MYH15: variants seen among roughly 807,000 people sequenced by gnomAD.
MYH15 encodes the protein myosin-15.
Under a neutral mutation model 240.5 loss-of-function variants are expected in MYH15, and 227 were observed. The observed-to-expected ratio is 0.94, with a 90% CI of 0.85 to 1.05. The LOEUF is 1.05. MYH15 is among the 50% of genes least tolerant of loss of function. The pLI is 0.00. For synonymous variants in MYH15, 785 were observed against 796.7 expected, an observed-to-expected ratio of 0.99 and a Z score of 0.25; for missense variants, 2,217 against 2,247.5, an observed-to-expected ratio of 0.99 and a Z score of 0.27.
At chr3:108,506,170 C>G (rs2083474297) in intron 1 of MYH15, among the ~76,000 whole-genome samples, 1 of 152,078 alleles carries the variant, frequency 6.6e-6, no homozygotes, top group South Asian at 2.1e-4. Flanking sequence ...GCTTGCACCC[C>G]TTCCAGATTC....
Position 108,459,357 on chromosome 3 carries a change from C to T in MYH15, c.2020+5G>A. 2.6e-6 allele frequency: 4 copies of T among 1,554,812 alleles called. No homozygotes were observed. Among genetic ancestry groups the T allele is most frequent in the Non-Finnish European group, 3.5e-6 (4 of 1,138,796 alleles). ...GTGTGAATTACAAAGAAATCTAGTT[C>T]TTACCTGGTATTTTGTTCACATTGG... On this transcript the variant is annotated splice_donor_5th_base_variant and intron_variant, in intron 18 of 40. Transcript: ENST00000693548.
chr3:108,477,694 A>G (rs1271417486), intron 11 of MYH15, among the ~76,000 whole-genome samples: 2 of 152,156 alleles, frequency 1.3e-5, no homozygotes, highest in Non-Finnish European at 2.9e-5. Flanking sequence ...AGCTATCTGT[A>G]AAACACCCTT....
intron 2 of MYH15, among the ~76,000 whole-genome samples, chr3:108,502,902 C>T (rs971552698): frequency 6.6e-6 from 1 of 152,140 alleles, no homozygotes; most frequent in Admixed American, 6.6e-5. Context: ...CCATGCAGAA[C>T]GTAAACATAT....
chr3:108,445,788 T>C (rs901842383), intron 21 of MYH15, among the ~76,000 whole-genome samples: 1 of 152,016 alleles, frequency 6.6e-6, no homozygotes, highest in Non-Finnish European at 1.5e-5. Flanking sequence ...ATTAAAGGTA[T>C]AAAGGAAAGA....
chr3:108,389,178 A>G lies in MYH15; in HGVS notation c.5431-104T>C, dbSNP rs947214554. 2.7e-5 allele frequency: 26 copies of G among 949,422 alleles called. No homozygotes were observed. The Admixed American group carries it at 5.2e-4, about 19-fold the overall frequency. The allele number at this position is 949,422 out of a possible 1,614,324, so 58.8% of individuals were successfully genotyped here. ...AAAGACAGCAAAGTGTCAAGGGAAC[A>G]TGCACACACTGTTTTTGGTGCTTAA... On this transcript the variant is annotated intron_variant, in intron 37 of 40. Transcript: ENST00000693548.
intron 1 of MYH15, among the ~76,000 whole-genome samples, chr3:108,522,386 T>C (rs577459317): frequency 1.3e-5 from 2 of 152,194 alleles, no homozygotes; most frequent in South Asian, 4.1e-4. Flanking sequence ...TGTGAGGCAG[T>C]GTTACTTCTT....
chr3:108,517,320 A>G (rs2083581419), intron 1 of MYH15, among the ~76,000 whole-genome samples: 1 of 152,110 alleles, frequency 6.6e-6, no homozygotes, highest in Admixed American at 6.6e-5. Context: ...CTATTGATCC[A>G]GAGAAGAACT....
chr3:108,398,149 A>T (rs1431196517), intron 35 of MYH15, among the ~76,000 whole-genome samples: 1 of 152,190 alleles, frequency 6.6e-6, no homozygotes, highest in African/African-American at 2.4e-5. Flanking sequence ...TTAATCAAAT[A>T]TGACTGGTAC....
chr3:108,437,963 CAGTGAGCCCTTG>C (rs2082855086), intron 24 of MYH15, among the ~76,000 whole-genome samples: 4 of 152,118 alleles, frequency 2.6e-5, no homozygotes, highest in African/African-American at 9.7e-5. Flanking sequence ...AAGAAATGGC[CAGTGAGCCCTTG>C]ATTGATCGTT....
At chr3:108,466,268 T>C (rs1337534314) in intron 14 of MYH15, among the ~76,000 whole-genome samples, 3 of 152,228 alleles carry the variant, frequency 2.0e-5, no homozygotes, top group Non-Finnish European at 4.4e-5. Context: ...ATGGAGAGAA[T>C]GTGGTGTGTA....
chr3:108,425,470 T>G (rs1304843517), intron 27 of MYH15, among the ~76,000 whole-genome samples: 1 of 152,172 alleles, frequency 6.6e-6, no homozygotes, highest in Non-Finnish European at 1.5e-5. Context: ...ACTGCAGTAA[T>G]CTACTTAAAA....
At position 108,476,778 on chromosome 3, in the gene MYH15, C is replaced by T. The variant is rs191352451; in HGVS notation, c.1115-263G>A. Among the ~76,000 whole-genome samples the T allele has an allele frequency of 3.3e-5, 5 of 152,234 alleles. No individual in the cohort carries two copies. The East Asian group carries it at 9.6e-4, about 29-fold the overall frequency. ...AGGAAAAAGAAAATATAATGCCACT[C>T]ACAGCCACTAGAATGACTATAATCA... On this transcript the variant is annotated intron_variant, in intron 11 of 40. Transcript: ENST00000693548.
chr3:108,439,562 T>A (rs1314902669), intron 24 of MYH15, among the ~76,000 whole-genome samples, 175 bp downstream of exon 24: 2 of 152,236 alleles, frequency 1.3e-5, no homozygotes, highest in African/African-American at 2.4e-5. Flanking sequence ...AGACCTCTCT[T>A]ATACTATCGT....
intron 30 of MYH15, among the ~76,000 whole-genome samples, chr3:108,413,477 C>A (rs1366400421): frequency 6.6e-6 from 1 of 152,142 alleles, no homozygotes; most frequent in Admixed American, 6.5e-5. Context: ...TGCCAAGCTA[C>A]CAAGCCAGGG....
rs757793113 is a variant in MYH15, at chr3:108,456,879, T to C, written c.2025A>G (p.Ile675Met). Residue 675 changes from isoleucine to methionine, a missense_variant, in exon 19 of 41, where the codon ATA (isoleucine) becomes ATG (methionine). Physicochemically the swap from Ile to Met is conservative, Grantham distance 10 (BLOSUM62 1). Transcript: ENST00000693548. ...INPNVNKIPG[I>M]LDPYLVLQQL... Reference sequence around the variant, plus strand: ...GCTGTAGAACCAAGTAAGGGTCCAGTATACCTGGAAAAAAAAAAGAGTCAT... The same window carrying C: ...GCTGTAGAACCAAGTAAGGGTCCAGCATACCTGGAAAAAAAAAAGAGTCAT... 1 of 1,604,044 alleles carries C rather than the reference T, an allele frequency of 6.2e-7. No individual in the cohort carries two copies. The highest frequency in any genetic ancestry group is 2.2e-5 in the East Asian group (1 of 44,796).
chr3:108,499,450 C>T lies in MYH15; in HGVS notation c.524+5G>A, dbSNP rs1307903066. The T allele has an allele frequency of 1.2e-6, 2 of 1,613,040 alleles. No homozygotes were observed. Among genetic ancestry groups the T allele is most frequent in the South Asian group, 2.2e-5 (2 of 90,674 alleles). On this transcript the variant is annotated splice_donor_5th_base_variant and intron_variant, in intron 5 of 40. Transcript: ENST00000693548. Reference sequence around the variant, plus strand: ...CCAAAAAAGAAAAACAAGGCAAACACTTACGTGAAGAGTATAGACTGATTT... The same window carrying T: ...CCAAAAAAGAAAAACAAGGCAAACATTTACGTGAAGAGTATAGACTGATTT...
chr3:108,536,541 G>C, the MYH15 span, among the ~76,000 whole-genome samples: 1 of 152,178 alleles, frequency 6.6e-6, no homozygotes, highest in Admixed American at 6.5e-5. Context: ...CAGGTAAGGA[G>C]GGGAGAAAGG....
At chr3:108,477,123 C>T (rs6762393) in intron 11 of MYH15, among the ~76,000 whole-genome samples, 25,725 of 152,038 alleles carry the variant, frequency 0.17, 2,515 homozygotes, top group South Asian at 0.27. Flanking sequence ...TCATATAATA[C>T]GATATTGCTA....
At chr3:108,406,908 T>C (rs2082550937) in intron 32 of MYH15, among the ~76,000 whole-genome samples, 1 of 152,204 alleles carries the variant, frequency 6.6e-6, no homozygotes, top group Non-Finnish European at 1.5e-5. Context: ...TATTTTTCAT[T>C]GGCTTGTCAT....
Sources: allele counts gnomAD v4.1 joint callset (sites outside exome capture counted in the v4.1 genomes callset), GRCh38; gene constraint gnomAD v4.1.1; transcripts MANE v1.5; gene names NCBI Gene and HGNC (gene_info 2026-07-23, HGNC 2026-07-21).